The following CPNE4 variants were observed in gnomAD, a reference collection of about 807,000 sequenced individuals.
CPNE4 encodes copine 4.
Under a neutral mutation model 67.9 loss-of-function variants are expected in CPNE4, and 25 were observed. The observed-to-expected ratio is 0.37, with a 90% CI of 0.27 to 0.51. The LOEUF (loss-of-function observed/expected upper bound fraction) is 0.51, where lower values mean the gene tolerates loss of function less well. Among genes scored for constraint, CPNE4 ranks in the 20% least tolerant of loss-of-function variants. The pLI is 0.93. For missense variants in CPNE4, 464 were observed against 690.8 expected, an observed-to-expected ratio of 0.67 and a Z score of 3.68; for synonymous variants, 242 against 244.9, an observed-to-expected ratio of 0.99 and a Z score of 0.11.
chr3:131,874,307 T>C (rs1339010835), intron 2 of CPNE4, among the ~76,000 whole-genome samples: 2 of 152,170 alleles, frequency 1.3e-5, no homozygotes, highest in East Asian at 1.9e-4. Flanking sequence ...CCAGGATGGT[T>C]TCAATCTCCT....
At chr3:131,860,350 G>A (rs990747901) in intron 2 of CPNE4, among the ~76,000 whole-genome samples, 7 of 152,100 alleles carry the variant, frequency 4.6e-5, no homozygotes, top group Admixed American at 1.3e-4. Context: ...CCCAAGCGGA[G>A]GAAAGGGACA....
At chr3:131,600,353 A>G (rs913005945) in intron 7 of CPNE4, among the ~76,000 whole-genome samples, 1 of 152,188 alleles carries the variant, frequency 6.6e-6, no homozygotes, top group Non-Finnish European at 1.5e-5. Flanking sequence ...GATCCATGCC[A>G]TGAAGTAGCC....
Position 131,791,280 on chromosome 3 carries a change from C to T in CPNE4, c.181-67655G>A, listed in dbSNP as rs573803152. The stretch of plus-strand genomic sequence containing the variant: ...GACATGAATGGAAGTTTTGTAATAG[C>T]CTTGTCACTCTTTTTTTTGCACTTT... On this transcript the variant is annotated intron_variant, in intron 2 of 15. Coordinates refer to ENST00000429747, the MANE Select transcript of CPNE4 (RefSeq NM_130808.3). 1.5e-3 allele frequency among the ~76,000 whole-genome samples: 229 copies of T among 152,166 alleles called. 1 individual carries two copies. Among genetic ancestry groups the T allele is most frequent in the African/African-American group, 4.9e-3 (204 of 41,512 alleles).
chr3:131,692,720 A>G (rs1172606008), intron 5 of CPNE4, among the ~76,000 whole-genome samples: 2 of 152,188 alleles, frequency 1.3e-5, no homozygotes, highest in Admixed American at 6.5e-5. Context: ...CCTCTACTTT[A>G]GAGACAGATT....
At chr3:131,647,856 A>G (rs1273372531) in intron 7 of CPNE4, among the ~76,000 whole-genome samples, 2 of 152,172 alleles carry the variant, frequency 1.3e-5, no homozygotes, top group African/African-American at 4.8e-5. Context: ...TAAGTCTCCA[A>G]ATGACTCCTT....
At chr3:131,811,274 T>C (rs1560370738) in intron 2 of CPNE4, among the ~76,000 whole-genome samples, 1 of 152,078 alleles carries the variant, frequency 6.6e-6, no homozygotes, top group African/African-American at 2.4e-5. Context: ...ATGGTCTTGA[T>C]GATAGTGATG....
chr3:131,621,539 C>T (rs535212141), intron 7 of CPNE4, among the ~76,000 whole-genome samples: 1 of 152,164 alleles, frequency 6.6e-6, no homozygotes, highest in Non-Finnish European at 1.5e-5. Flanking sequence ...AGCCACCATG[C>T]CCAGCCCTCT....
intron 6 of CPNE4, among the ~76,000 whole-genome samples, chr3:131,678,996 G>C (rs910144113): frequency 6.6e-6 from 1 of 152,152 alleles, no homozygotes; most frequent in African/African-American, 2.4e-5. Flanking sequence ...AGTTTCAGTA[G>C]TAATGGTACC....
At chr3:131,983,837 A>T (rs762252645) in intron 1 of CPNE4, among the ~76,000 whole-genome samples, 2 of 152,224 alleles carry the variant, frequency 1.3e-5, no homozygotes, top group Non-Finnish European at 2.9e-5. Flanking sequence ...CAACAGCTGC[A>T]CAGAATCCTT....
chr3:132,014,031 T>C (rs991188153), intron 1 of CPNE4, among the ~76,000 whole-genome samples: 2 of 152,090 alleles, frequency 1.3e-5, no homozygotes, highest in Non-Finnish European at 2.9e-5. Flanking sequence ...CTCAGCCAAA[T>C]TGTGCATAAT....
At chr3:132,034,527 G>A (rs1192246333) in intron 1 of CPNE4, 40 bp downstream of exon 1, 11 of 949,530 alleles carry the variant, frequency 1.2e-5, no homozygotes, top group African/African-American at 1.8e-5. Flanking sequence ...CAATCACAGC[G>A]CCCCAGGAAC....
intron 2 of CPNE4, among the ~76,000 whole-genome samples, chr3:131,820,407 T>A (rs1035935809): frequency 3.3e-5 from 5 of 152,150 alleles, no homozygotes. Context: ...AGCCAATAAA[T>A]GTGGCTGCTC....
At chr3:131,624,464 AC>A (rs2079010270) in intron 7 of CPNE4, among the ~76,000 whole-genome samples, 1 of 152,104 alleles carries the variant, frequency 6.6e-6, no homozygotes, top group Admixed American at 6.5e-5. Flanking sequence ...TGAAAAGTAT[AC>A]CCTTTTCCCC....
intron 6 of CPNE4, among the ~76,000 whole-genome samples, chr3:131,683,157 G>A (rs2080800357): frequency 6.6e-6 from 1 of 152,106 alleles, no homozygotes; most frequent in Non-Finnish European, 1.5e-5. Context: ...TACCTAAGTT[G>A]CAAAATCAAG....
At chr3:131,635,210 G>A (rs753121755) in intron 7 of CPNE4, among the ~76,000 whole-genome samples, 4 of 152,022 alleles carry the variant, frequency 2.6e-5, no homozygotes, top group Admixed American at 1.3e-4. Context: ...GAAAACCTGC[G>A]GGTCATAGAA....
At chr3:131,634,226 G>A (rs1294425925) in intron 7 of CPNE4, among the ~76,000 whole-genome samples, 1 of 152,008 alleles carries the variant, frequency 6.6e-6, no homozygotes, top group Non-Finnish European at 1.5e-5. Context: ...TATCCTTCAG[G>A]TATTGGAAAC....
At position 131,831,241 on chromosome 3, in the gene CPNE4, T is replaced by A. The variant is rs374502088; in HGVS notation, c.180+74023A>T. 2.2e-4 allele frequency among the ~76,000 whole-genome samples: 34 copies of A among 152,260 alleles called. 1 individual carries two copies. Among genetic ancestry groups the A allele is most frequent in the African/African-American group, 8.2e-4 (34 of 41,552 alleles). ...ATGGCACAGAATGAATATTGAGAAA[T>A]TTTAGAGGAAATTACACATCATATT... On this transcript the variant is annotated intron_variant, in intron 2 of 15. Coordinates refer to ENST00000429747, the MANE Select transcript of CPNE4 (RefSeq NM_130808.3).
rs2088018246 is a variant in CPNE4 at position 131,889,371 on chromosome 3, T to G, written c.180+15893A>C. Among the ~76,000 whole-genome samples, 3 of 152,210 alleles carry G rather than the reference T, an allele frequency of 2.0e-5. No homozygotes were observed. In the South Asian group the frequency reaches 6.2e-4, roughly 32 times the overall value. ...AGTAATATAAAAGGCTCAGAGATGT[T>G]AAGTGGCTTTCCCAAGGTCACACAG... On this transcript the variant is annotated intron_variant, in intron 2 of 15. Transcript: ENST00000429747.
chr3:131,978,078 A>AT (rs1560719957), intron 1 of CPNE4, among the ~76,000 whole-genome samples: 1 of 35,526 alleles, frequency 2.8e-5, no homozygotes, highest in African/African-American at 1.5e-4. Flanking sequence ...AATATATATA[A>AT]ATATATATAA....
Sources: allele counts gnomAD v4.1 joint callset (sites outside exome capture counted in the v4.1 genomes callset), GRCh38; gene constraint gnomAD v4.1.1; transcripts MANE v1.5; gene names NCBI Gene and HGNC (gene_info 2026-07-23, HGNC 2026-07-21).